The following PAH variants were observed in gnomAD, a reference collection of about 807,000 sequenced individuals.
PAH encodes the protein phenylalanine-4-hydroxylase.
A neutral mutation model predicts 62.0 loss-of-function variants in PAH; 64 were observed. The ratio of observed to expected loss-of-function variants is 1.03; its 90% CI spans 0.84 to 1.27. The LOEUF (loss-of-function observed/expected upper bound fraction) is 1.27. Ranked by LOEUF, PAH falls within the 50% of genes most tolerant of loss-of-function variation. The pLI is 0.00. For missense variants in PAH, 579 were observed against 542.8 expected (o/e 1.07, Z -0.66); for synonymous variants, 195 against 196.2 (o/e 0.99, Z 0.05).
At chr12:102,859,215 A>G (rs1875595344) in intron 5 of PAH, among the ~76,000 whole-genome samples, 1 of 152,246 alleles carries the variant, frequency 6.6e-6, no homozygotes, top group African/African-American at 2.4e-5. Flanking sequence ...AATAAACTAG[A>G]AAATCTAGAA....
intron 5 of PAH, among the ~76,000 whole-genome samples, chr12:102,861,115 A>C (rs578155829): frequency 6.6e-6 from 1 of 152,244 alleles, no homozygotes; most frequent in Non-Finnish European, 1.5e-5. Context: ...CAGAATCTAC[A>C]AAGAACTCAA....
intron 1 of PAH, among the ~76,000 whole-genome samples, chr12:102,937,157 TA>T (rs962640517): frequency 1.3e-5 from 2 of 152,224 alleles, no homozygotes; most frequent in African/African-American, 2.4e-5. Flanking sequence ...GTGAGTCAAT[TA>T]AATCTCTTTC....
At chr12:102,841,645 A>G (rs539515972) in intron 11 of PAH, among the ~76,000 whole-genome samples, 176 of 152,344 alleles carry the variant, frequency 1.2e-3, no homozygotes, top group South Asian at 2.3e-3. Context: ...GGCCAAGTAT[A>G]TATTTCCACC....
At chr12:102,917,394 G>C, upstream of PAH, 4 of 500,466 alleles carry the variant, frequency 8.0e-6, no homozygotes, top group Non-Finnish European at 1.5e-5. Context: ...GAGGGTGTGG[G>C]GGACGCAGGA....
At chr12:102,855,082 G>T (rs1005457467) in intron 6 of PAH, 54 bp downstream of exon 6, 2 of 1,425,274 alleles carry the variant, frequency 1.4e-6, no homozygotes, top group Non-Finnish European at 2.0e-6. Context: ...CCTCTCCTCT[G>T]CCTCAATCCT....
At chr12:102,857,784 T>G (rs2136652738) in intron 5 of PAH, among the ~76,000 whole-genome samples, 1 of 152,288 alleles carries the variant, frequency 6.6e-6, no homozygotes, top group African/African-American at 2.4e-5. Flanking sequence ...TGAGAGATTT[T>G]GTCACCACCA....
chr12:102,916,565 GT>G (rs1878389806), intron 1 of PAH: 2 of 182,160 alleles, frequency 1.1e-5, no homozygotes, highest in African/African-American at 2.4e-5. Context: ...CCTGGTCTGA[GT>G]AAGTTTCTGT....
intron 2 of PAH, among the ~76,000 whole-genome samples, chr12:102,895,869 A>AAAAAAATATAT (rs953209518): frequency 8.4e-6 from 1 of 118,744 alleles, no homozygotes; most frequent in African/African-American, 3.6e-5. Context: ...AAAAAAAAAA[A>AAAAAAATATAT]ATATATATAT....
At chr12:102,843,871 A>T in intron 10 of PAH, 92 bp from the exon 11 acceptor site, 1 of 1,368,846 alleles carries the variant, frequency 7.3e-7, no homozygotes, top group Non-Finnish European at 1.0e-6. Context: ...CCCTTCTCTC[A>T]TCTCACCCCG....
intron 1 of PAH, among the ~76,000 whole-genome samples, chr12:102,939,707 A>AC (rs1404880932): frequency 6.6e-6 from 1 of 151,890 alleles, no homozygotes; most frequent in African/African-American, 2.4e-5. Flanking sequence ...CAGCCACCCC[A>AC]CCCGTAGGTG....
In PAH at chr12:102,957,627, G is replaced by A. The variant is rs1879961985; in HGVS notation, c.-96+568C>T. 1 of 152,198 alleles carries A rather than the reference G, an allele frequency of 6.6e-6. No individual in the cohort carries two copies. The highest frequency in any genetic ancestry group is 1.5e-5 in the Non-Finnish European group (1 of 68,108). The allele number at this position is 152,198 out of a possible 1,614,324, so 9.4% of individuals were successfully genotyped here. On this transcript the variant is annotated intron_variant, in intron 1 of 4. Coordinates refer to the PAH transcript ENST00000551337. The surrounding 1 kb of genome is among the most constrained non-coding windows in gnomAD (Gnocchi z 4.1). ...GGGCGAGGCGGGGCCAGGGCTGCGC[G>A]TGGGGCTGGGTGTCCCATTGAAAAG...
chr12:102,871,934 AAAAAAAAAAAAAAAAATATAT>A lies in PAH; in HGVS notation c.442-5292_442-5272del, dbSNP rs1292807371. Among the ~76,000 whole-genome samples the A allele has an allele frequency of 7.4e-3, 805 of 108,384 alleles. 10 individuals carry two copies. Among genetic ancestry groups the A allele is most frequent in the Admixed American group, 0.028 (272 of 9,590 alleles). The allele number at this position is 108,384 out of a possible 152,430, so 71.1% of individuals were successfully genotyped here. ...CAAAACTCTGCCTCAAAAAAAAAAA[AAAAAAAAAAAAAAAAATATAT>A]ATATATATATATATATATATATATA... is the stretch of plus-strand genomic sequence containing the variant. On this transcript the variant is annotated intron_variant, in intron 4 of 12. Coordinates refer to ENST00000553106, the MANE Select transcript of PAH (RefSeq NM_000277.3).
At chr12:102,848,469 G>T (rs1565844610) in intron 8 of PAH, among the ~76,000 whole-genome samples, 1 of 139,006 alleles carries the variant, frequency 7.2e-6, no homozygotes, top group East Asian at 2.0e-4. Context: ...GAGAGGTGGA[G>T]GGTAGACAGG....
chr12:102,901,311 G>T (rs1436203216), intron 2 of PAH, among the ~76,000 whole-genome samples: 1 of 152,078 alleles, frequency 6.6e-6, no homozygotes, highest in South Asian at 2.1e-4. Context: ...ACTACCTTTG[G>T]ATATATTAAT....
rs1159538926 is a variant in PAH at position 102,838,947 on chromosome 12, C to G, written c.*228G>C. On this transcript the variant is annotated 3_prime_UTR_variant, in exon 13 of 13. Transcript: ENST00000553106. Reference sequence around the variant, plus strand: ...TCAATTGAGAGTATGGGATTATCATCTCTAAATCAAAGATGACCCCAAAAG... The same window carrying G: ...TCAATTGAGAGTATGGGATTATCATGTCTAAATCAAAGATGACCCCAAAAG... 3.5e-6 allele frequency: 2 copies of G among 574,482 alleles called. No individual in the cohort carries two copies. The allele number at this position is 574,482 out of a possible 1,614,324, so 35.6% of individuals were successfully genotyped here. A position where few individuals can be genotyped will look rare whatever the true frequency, so the allele number is the denominator to read the frequency against.
At chr12:102,846,556 G>A (rs1426896703) in intron 9 of PAH, among the ~76,000 whole-genome samples, 1 of 152,184 alleles carries the variant, frequency 6.6e-6, no homozygotes, top group Non-Finnish European at 1.5e-5. Flanking sequence ...GAAAAGTAGA[G>A]ATGTAAACAT....
intron 3 of PAH, among the ~76,000 whole-genome samples, chr12:102,886,757 TTGCCATGTATTA>T (rs1353041258): frequency 6.6e-6 from 1 of 152,122 alleles, no homozygotes; most frequent in Non-Finnish European, 1.5e-5. Flanking sequence ...TTCTCTATCA[TTGCCATGTATTA>T]TGCCATGTAG....
chr12:102,910,517 C>T (rs924466773), intron 2 of PAH, among the ~76,000 whole-genome samples: 1 of 152,040 alleles, frequency 6.6e-6, no homozygotes, highest in Non-Finnish European at 1.5e-5. Flanking sequence ...ACTACAGGCA[C>T]CCACCACCAC....
intron 2 of PAH, among the ~76,000 whole-genome samples, chr12:102,903,800 C>T (rs1239402875): frequency 6.6e-6 from 1 of 152,086 alleles, no homozygotes; most frequent in African/African-American, 2.4e-5. Context: ...TCAGAGATGA[C>T]CTTGGAGCTC....
Sources: allele counts gnomAD v4.1 joint callset (sites outside exome capture counted in the v4.1 genomes callset), GRCh38; gene constraint gnomAD v4.1.1; non-coding constraint Gnocchi (gnomAD v3.1); transcripts MANE v1.5; gene names NCBI Gene and HGNC (gene_info 2026-07-23, HGNC 2026-07-21).